KIF24: variants seen among roughly 807,000 people sequenced by gnomAD.
KIF24 encodes kinesin family member 24, also known as kinesin-like protein KIF24.
A neutral mutation model predicts 118.9 loss-of-function variants in KIF24; 81 were observed. The ratio of observed to expected loss-of-function variants is 0.68; its 90% CI spans 0.57 to 0.82. KIF24 has a LOEUF of 0.82. Ranked by LOEUF, KIF24 falls within the 40% of genes least tolerant of loss-of-function variation. The pLI is 0.00. For synonymous variants in KIF24, 599 were observed against 610.0 expected, an observed-to-expected ratio of 0.98 and a Z score of 0.27; for missense variants, 1,560 against 1,661.6, an observed-to-expected ratio of 0.94 and a Z score of 1.06.
intron 3 of KIF24, among the ~76,000 whole-genome samples, chr9:34,300,063 G>A (rs1836640375): frequency 6.6e-6 from 1 of 152,094 alleles, no homozygotes; most frequent in African/African-American, 2.4e-5. Flanking sequence ...TCTACCCCCA[G>A]TTTGAATCTG....
intron 4 of KIF24, among the ~76,000 whole-genome samples, chr9:34,291,945 C>CA (rs1468060256): frequency 6.6e-6 from 1 of 152,164 alleles, no homozygotes; most frequent in Non-Finnish European, 1.5e-5. Flanking sequence ...TAAAAAGCTA[C>CA]ATATCTCCCT....
intron 3 of KIF24, among the ~76,000 whole-genome samples, chr9:34,302,784 T>C (rs2131793346): frequency 6.6e-6 from 1 of 150,830 alleles, no homozygotes; most frequent in Middle Eastern, 3.5e-3. Flanking sequence ...AATTTTTTTT[T>C]TTTTTTTCTG....
In KIF24 at chr9:34,255,086, G is replaced by T; in HGVS notation, c.3952C>A (p.Gln1318Lys). The T allele has an allele frequency of 3.1e-6, 5 of 1,590,552 alleles. No homozygotes were observed. The highest frequency in any genetic ancestry group is 4.3e-6 in the Non-Finnish European group (5 of 1,168,008). The change falls in exon 12 of 13, where the codon CAG becomes AAG. Residue 1318 changes from glutamine (Q) to lysine (K), a missense_variant. Gln to Lys is a moderately conservative substitution (Grantham distance 53). Around this residue, in one of 3 missense-constraint regions of KIF24, gnomAD observed 591 missense variants for 655.6 expected, o/e 0.90. Transcript: ENST00000402558. ...GGGCTACTTACATTAGAAGCCAGCT[G>T]GCTCATCAGCGTCTCCTCCTTGAAG... Reference protein sequence around the residue: ...LGFKEETLMSQLASNDFEDFV... With the variant: ...LGFKEETLMSKLASNDFEDFV...
chr9:34,319,397 C>T lies in KIF24; in HGVS notation c.-25-8026G>A, dbSNP rs770290198. On this transcript the variant is annotated intron_variant, in intron 1 of 12. Coordinates refer to ENST00000402558, the MANE Select transcript of KIF24 (RefSeq NM_194313.4). ...GCCTGACTGAGGCCATTGACAAGAA[C>T]AAGGCAAACTTGTCACGCATGCCAC... The T allele has an allele frequency of 8.7e-6, 8 of 920,064 alleles. No individual in the cohort carries two copies. In the African/African-American group the frequency reaches 1.3e-4, roughly 15 times the overall value. The allele number at this position is 920,064 out of a possible 1,614,324, so 57.0% of individuals were successfully genotyped here. A position where few individuals can be genotyped will look rare whatever the true frequency, so the allele number is the denominator to read the frequency against.
Position 34,311,248 on chromosome 9 carries a change from G to A in KIF24, c.99C>T (p.Ala33=). ...ALGLQKIDEL[A]KITMKDYSKL... is the part of the protein sequence containing the mutation. ...TGGAGTAGTCCTTCATTGTAATCTT[G>A]GCTAATTCATCTATTTTCTGAAGGC... The change falls in exon 2 of 13, where the codon GCC becomes GCT. Residue 33 remains alanine, a synonymous_variant. Coordinates refer to ENST00000402558, the MANE Select transcript of KIF24 (RefSeq NM_194313.4). 3 of 1,610,848 alleles carry A rather than the reference G, an allele frequency of 1.9e-6. No homozygotes were observed. The highest frequency in any genetic ancestry group is 1.7e-6 in the Non-Finnish European group (2 of 1,177,952).
chr9:34,293,735 C>T (rs1836348432), intron 4 of KIF24, among the ~76,000 whole-genome samples: 1 of 152,148 alleles, frequency 6.6e-6, no homozygotes, highest in Non-Finnish European at 1.5e-5. Context: ...AACATCGCGC[C>T]ACTGCACTCC....
At chr9:34,296,315 AGGAGAT>A (rs1836475179) in intron 4 of KIF24, among the ~76,000 whole-genome samples, 2 of 149,484 alleles carry the variant, frequency 1.3e-5, no homozygotes, top group African/African-American at 4.9e-5. Context: ...TCACGAGGTC[AGGAGAT>A]GGAGACCATC....
rs1466623460 is a variant in KIF24 at position 34,318,575 on chromosome 9, A to G, written c.-25-7204T>C. On this transcript the variant is annotated intron_variant, in intron 1 of 12. Coordinates refer to ENST00000402558, the MANE Select transcript of KIF24 (RefSeq NM_194313.4). This position sits in a 1 kb window ranked among gnomAD's most constrained non-coding sequence, Gnocchi z 4.9. The stretch of plus-strand genomic sequence containing the variant: ...CCTGGCCTTCAGCCTGTACCAGGCC[A>G]TGGCCAAGGACCAGGCGGTGGAGAA... 15 of 1,309,534 alleles carry G rather than the reference A, an allele frequency of 1.1e-5. No homozygotes were observed. The highest frequency in any genetic ancestry group is 1.6e-5 in the Non-Finnish European group (15 of 920,780). The allele number at this position is 1,309,534 out of a possible 1,614,324, so 81.1% of individuals were successfully genotyped here.
rs144635943 is a variant in KIF24, at chr9:34,278,269, C to T, written c.1216-6339G>A. 3.5e-3 allele frequency among the ~76,000 whole-genome samples: 528 copies of T among 152,072 alleles called. 6 individuals are homozygous for T. The highest frequency in any genetic ancestry group is 0.012 in the African/African-American group (508 of 41,474). On this transcript the variant is annotated intron_variant, in intron 6 of 12. Transcript: ENST00000402558. ...ACTAAAAATACAAAAATTAGCCAGG[C>T]GTGGGTAGTGGGCACCTATAATCCC...
At chr9:34,293,411 C>T (rs924207126) in intron 4 of KIF24, among the ~76,000 whole-genome samples, 1 of 145,378 alleles carries the variant, frequency 6.9e-6, no homozygotes, top group East Asian at 2.1e-4. Flanking sequence ...GCCCGGGAGG[C>T]GGAAGTTGCA....
At chr9:34,312,442 C>T (rs1222837558) in intron 1 of KIF24, among the ~76,000 whole-genome samples, 5 of 152,158 alleles carry the variant, frequency 3.3e-5, no homozygotes, top group African/African-American at 9.7e-5. Flanking sequence ...AAATACAGTA[C>T]ATTTTCTTTT....
intron 4 of KIF24, among the ~76,000 whole-genome samples, chr9:34,296,588 C>G (rs925143315): frequency 5.9e-5 from 9 of 151,936 alleles, no homozygotes; most frequent in Non-Finnish European, 1.2e-4. Flanking sequence ...ATTCACTTAT[C>G]TATCTGATTC....
intron 4 of KIF24, among the ~76,000 whole-genome samples, chr9:34,292,554 TG>T (rs1836293026): frequency 6.6e-6 from 1 of 151,994 alleles, no homozygotes; most frequent in Non-Finnish European, 1.5e-5. Context: ...TGGACAGGGA[TG>T]GGGGAGGCTG....
At chr9:34,307,522 T>C (rs1411647551) in intron 2 of KIF24, among the ~76,000 whole-genome samples, 3 of 152,138 alleles carry the variant, frequency 2.0e-5, no homozygotes, top group Non-Finnish European at 2.9e-5. Context: ...TTAAAATGCA[T>C]CATTTTTGCA....
chr9:34,290,597 CTT>C (rs374738317), intron 4 of KIF24, among the ~76,000 whole-genome samples: 35 of 137,570 alleles, frequency 2.5e-4, no homozygotes, highest in Non-Finnish European at 3.4e-4. Context: ...ACAAGTTTTC[CTT>C]TTTTTTTTTT....
At chr9:34,276,815 C>T (rs891853006) in intron 6 of KIF24, among the ~76,000 whole-genome samples, 4 of 152,186 alleles carry the variant, frequency 2.6e-5, no homozygotes, top group Admixed American at 1.3e-4. Flanking sequence ...CACCTTTAAG[C>T]TAATGAAATC....
chr9:34,318,734 G>A lies in KIF24; in HGVS notation c.-25-7363C>T, dbSNP rs562836196. Reference sequence around the variant, plus strand: ...GAGCGACGAGGAGGTGCACGCCGGCGTGGGCGAGCCGCTGCGTTCACTCAG... The same window carrying A: ...GAGCGACGAGGAGGTGCACGCCGGCATGGGCGAGCCGCTGCGTTCACTCAG... On this transcript the variant is annotated intron_variant, in intron 1 of 12. Coordinates refer to ENST00000402558, the MANE Select transcript of KIF24 (RefSeq NM_194313.4). This position sits in a 1 kb window ranked among gnomAD's most constrained non-coding sequence, Gnocchi z 4.9. 8 of 1,509,178 alleles carry A rather than the reference G, an allele frequency of 5.3e-6. No individual in the cohort carries two copies. The highest frequency in any genetic ancestry group is 1.9e-5 in the Admixed American group (1 of 53,572). 93.5% of individuals were successfully genotyped at this position (1,509,178 alleles called of 1,614,324 possible). A position where few individuals can be genotyped will look rare whatever the true frequency, so the allele number is the denominator to read the frequency against.
In KIF24 at chr9:34,252,959, T is replaced by A. The variant is rs1281555440; in HGVS notation, c.*1421A>T. 6.6e-6 allele frequency: 1 copy of A among 152,310 alleles called. No homozygotes were observed. Among genetic ancestry groups the A allele is most frequent in the Non-Finnish European group, 1.5e-5 (1 of 68,076 alleles). The allele number at this position is 152,310 out of a possible 1,614,324, so 9.4% of individuals were successfully genotyped here. On this transcript the variant is annotated 3_prime_UTR_variant, in exon 13 of 13. Coordinates refer to ENST00000402558, the MANE Select transcript of KIF24 (RefSeq NM_194313.4). ...GAATAGGGTTCATTCCTAAAGTAAGTAAGTTTTTGTCCTTGACCTTAATAC... is the reference window on the plus strand; with the variant it reads ...GAATAGGGTTCATTCCTAAAGTAAGAAAGTTTTTGTCCTTGACCTTAATAC...
chr9:34,259,687 T>G lies in KIF24; in HGVS notation c.1534A>C (p.Ile512Leu), dbSNP rs1226629460. 1 of 1,613,746 alleles carries G rather than the reference T, an allele frequency of 6.2e-7. No individual in the cohort carries two copies. Among genetic ancestry groups the G allele is most frequent in the Non-Finnish European group, 8.5e-7 (1 of 1,179,666 alleles). The change falls in exon 10 of 13, where the codon ATC (isoleucine) becomes CTC (leucine). Residue 512 changes from isoleucine to leucine, a missense_variant. Physicochemically the swap from Ile to Leu is conservative, Grantham distance 5. Coordinates refer to ENST00000402558, the MANE Select transcript of KIF24 (RefSeq NM_194313.4). ...KLTQVLKDSFIGNAKTCMIAN... is the reference protein window; with the variant it reads ...KLTQVLKDSFLGNAKTCMIAN... The stretch of plus-strand genomic sequence containing the variant: ...ATCATGCAGGTTTTGGCATTGCCGA[T>G]GAAAGAGTCCTTCAGGACCTGTCCA...
Sources: allele counts gnomAD v4.1 joint callset (sites outside exome capture counted in the v4.1 genomes callset), GRCh38; gene constraint gnomAD v4.1.1; regional missense constraint gnomAD v4.1.1; non-coding constraint Gnocchi (gnomAD v3.1); transcripts MANE v1.5; gene names NCBI Gene and HGNC (gene_info 2026-07-23, HGNC 2026-07-21).